VPS13C: variants seen among roughly 807,000 people sequenced by gnomAD.
VPS13C encodes vacuolar protein sorting 13 homolog C, also known as intermembrane lipid transfer protein VPS13C.
Under a neutral mutation model 456.8 loss-of-function variants are expected in VPS13C, and 358 were observed. That is an observed-to-expected ratio of 0.78 (90% CI 0.72 to 0.86). VPS13C has a LOEUF of 0.86. VPS13C is among the 40% of genes least tolerant of loss of function. The pLI is 0.00. For synonymous variants in VPS13C, 1,578 were observed against 1,486.7 expected, an observed-to-expected ratio of 1.06 and a Z score of -1.41; for missense variants, 4,818 against 4,385.4, an observed-to-expected ratio of 1.10 and a Z score of -2.79.
rs11071645 is a variant in VPS13C, at chr15:61,973,308, G to A, written c.2617+146C>T. ...GGGCTTAAAGGGGATAAGAGACTCA[G>A]AGTCACACTAATGTAGCACAACTAG... On this transcript the variant is annotated intron_variant, in intron 26 of 84. Coordinates refer to ENST00000644861, the MANE Select transcript of VPS13C (RefSeq NM_020821.3). 0.86 allele frequency: 507,014 copies of A among 589,754 alleles called. 221,287 individuals are homozygous for A. Among genetic ancestry groups the A allele is most frequent in the South Asian group, 0.91 (30,272 of 33,266 alleles). 36.5% of individuals were successfully genotyped at this position (589,754 alleles called of 1,614,324 possible). A position where few individuals can be genotyped will look rare whatever the true frequency, so the allele number is the denominator to read the frequency against.
intron 82 of VPS13C, among the ~76,000 whole-genome samples, chr15:61,859,442 T>C (rs144220239): frequency 7.2e-5 from 11 of 152,278 alleles, no homozygotes; most frequent in African/African-American, 2.4e-4. Flanking sequence ...CCTAAACCCT[T>C]AGAATCTTAT....
chr15:61,963,923 A>C lies in VPS13C; in HGVS notation c.3243T>G (p.Ile1081Met). 1 of 1,610,928 alleles carries C rather than the reference A, an allele frequency of 6.2e-7. No homozygotes were observed. The highest frequency in any genetic ancestry group is 1.3e-5 in the African/African-American group (1 of 74,888). The change falls in exon 32 of 85, where the codon ATT becomes ATG. Residue 1081 changes from isoleucine (I) to methionine (M), a missense_variant. Transcript: ENST00000644861. ...ACTTGGCAAATAGCCTGAAATCAAT[A>C]ATGTCACTATCTCTGGAGGATACAA... ...KAIVSSRDSD[I>M]IDFRLFAKLN...
chr15:62,044,088 C>G, intron 2 of VPS13C, 124 bp downstream of exon 2: 3 of 595,688 alleles, frequency 5.0e-6, no homozygotes, highest in South Asian at 2.4e-5. Flanking sequence ...AATAGTTGAA[C>G]AAGTAATCCC....
At chr15:61,969,266 A>G (rs745752800) in intron 28 of VPS13C, 33 bp downstream of exon 28, 1 of 1,474,392 alleles carries the variant, frequency 6.8e-7, no homozygotes, top group Non-Finnish European at 9.2e-7. Context: ...TATCTTTATT[A>G]TAGGCTATTA....
chr15:61,967,990 G>T lies in VPS13C; in HGVS notation c.2912-543C>A, dbSNP rs555436427. Among the ~76,000 whole-genome samples, 16 of 152,066 alleles carry T rather than the reference G, an allele frequency of 1.1e-4. No homozygotes were observed. In the East Asian group the frequency reaches 2.5e-3, roughly 24 times the overall value. Reference sequence around the variant, plus strand: ...ATTCTTTTAACTCTTGCTTCTGAGAGAGCTTAAAATTTTCCCTTGACTTCC... The same window carrying T: ...ATTCTTTTAACTCTTGCTTCTGAGATAGCTTAAAATTTTCCCTTGACTTCC... On this transcript the variant is annotated intron_variant, in intron 28 of 84. Coordinates refer to ENST00000644861, the MANE Select transcript of VPS13C (RefSeq NM_020821.3).
intron 8 of VPS13C, among the ~76,000 whole-genome samples, chr15:62,020,935 T>C (rs1457652338): frequency 1.3e-5 from 2 of 151,968 alleles, no homozygotes; most frequent in East Asian, 3.9e-4. Flanking sequence ...TTAGGGTACA[T>C]AGTGGAATAC....
At chr15:62,058,847 T>C (rs187035522) in intron 1 of VPS13C, among the ~76,000 whole-genome samples, 132 of 151,724 alleles carry the variant, frequency 8.7e-4, no homozygotes, top group African/African-American at 2.9e-3. Context: ...AGCCCAGGAG[T>C]TGGAGGCTGC....
In VPS13C at chr15:61,978,767, T is replaced by C. The variant is rs369306017; in HGVS notation, c.2167-18A>G. On this transcript the variant is annotated intron_variant, in intron 22 of 84. Transcript: ENST00000644861. ...CTGTTGAGCTAAAATGAAGGACAAA[T>C]TTCAATTTTTTTTTCCAAAACAGAA... is the stretch of plus-strand genomic sequence containing the variant. 1.7e-4 allele frequency: 273 copies of C among 1,568,464 alleles called. 1 individual carries two copies. The highest frequency in any genetic ancestry group is 2.3e-4 in the Non-Finnish European group (265 of 1,163,548).
intron 19 of VPS13C, 25 bp from the exon 20 acceptor site, chr15:61,984,037 A>C: frequency 6.3e-7 from 1 of 1,595,006 alleles, no homozygotes; most frequent in Non-Finnish European, 8.5e-7. Flanking sequence ...AGAACAAGGA[A>C]AGATGCAGAC....
intron 53 of VPS13C, among the ~76,000 whole-genome samples, chr15:61,924,905 C>T (rs953681459): frequency 5.3e-5 from 8 of 152,194 alleles, no homozygotes; most frequent in Non-Finnish European, 7.4e-5. Context: ...TGACTGGGCA[C>T]GAGGTATACT....
intron 6 of VPS13C, among the ~76,000 whole-genome samples, chr15:62,027,219 A>T (rs1248055698): frequency 6.6e-6 from 1 of 151,862 alleles, no homozygotes; most frequent in Non-Finnish European, 1.5e-5. Flanking sequence ...TCTGGACCTC[A>T]TTTTTTTATC....
chr15:62,020,961 A>T (rs2047440610), intron 8 of VPS13C, among the ~76,000 whole-genome samples: 1 of 152,038 alleles, frequency 6.6e-6, no homozygotes, highest in Non-Finnish European at 1.5e-5. Context: ...AGCCATAAAA[A>T]AGGAAAACAT....
At chr15:62,007,845 G>A (rs748452638) in intron 14 of VPS13C, among the ~76,000 whole-genome samples, 17 of 152,082 alleles carry the variant, frequency 1.1e-4, no homozygotes, top group Admixed American at 2.0e-4. Context: ...GGGTGCTCAC[G>A]TCTGTAATCC....
rs562986431 is a variant in VPS13C at position 62,029,048 on chromosome 15, C to A, written c.386-628G>T. On this transcript the variant is annotated intron_variant, in intron 5 of 84. Transcript: ENST00000644861. ...AGAAAAAGGAAAACTTACACCCCCG[C>A]TGGCTATGGATGAAAGTTCACATTG... Among the ~76,000 whole-genome samples, 21 of 152,162 alleles carry A rather than the reference C, an allele frequency of 1.4e-4. No individual in the cohort carries two copies. The South Asian group carries it at 4.3e-3, about 32-fold the overall frequency.
At position 61,931,172 on chromosome 15, in the gene VPS13C, C is replaced by G; in HGVS notation, c.5956G>C (p.Asp1986His). 1 of 1,614,154 alleles carries G rather than the reference C, an allele frequency of 6.2e-7. No individual in the cohort carries two copies. The highest frequency in any genetic ancestry group is 8.5e-7 in the Non-Finnish European group (1 of 1,180,028). ...TTAACGCTGACATTCATTGAGCCAT[C>G]CTTAAACATCTTCCCTGAGGAGGCC... is the stretch of plus-strand genomic sequence containing the variant. ...LMASSGKMFK[D>H]GSMNVSVKLK... Residue 1986 changes from aspartate (D) to histidine (H), a missense_variant, in exon 50 of 85, where the codon GAT (aspartate) becomes CAT (histidine). Around this residue, in one of 3 missense-constraint regions of VPS13C, gnomAD observed 4,552 missense variants for 4,130.6 expected, o/e 1.10. Coordinates refer to ENST00000644861, the MANE Select transcript of VPS13C (RefSeq NM_020821.3).
intron 68 of VPS13C, among the ~76,000 whole-genome samples, chr15:61,883,754 T>C (rs191079965): frequency 1.3e-3 from 205 of 152,202 alleles, no homozygotes; most frequent in Admixed American, 2.4e-3. Flanking sequence ...TAGCAATATA[T>C]ATTGGTGTCA....
intron 29 of VPS13C, among the ~76,000 whole-genome samples, chr15:61,966,802 T>A (rs1023785644): frequency 6.6e-6 from 1 of 151,958 alleles, no homozygotes; most frequent in African/African-American, 2.4e-5. Flanking sequence ...CGTCTACAAT[T>A]TTCTTGAGAA....
chr15:61,892,561 A>G (rs905589299), intron 66 of VPS13C, among the ~76,000 whole-genome samples: 6 of 152,196 alleles, frequency 3.9e-5, no homozygotes, highest in African/African-American at 1.4e-4. Context: ...TGGAATAAAT[A>G]AATAATCCTT....
At chr15:61,885,782 G>A (rs1896218983) in intron 67 of VPS13C, among the ~76,000 whole-genome samples, 1 of 151,946 alleles carries the variant, frequency 6.6e-6, no homozygotes, top group South Asian at 2.1e-4. Context: ...CTATCTTCAG[G>A]TTGTACTGAA....
Sources: allele counts gnomAD v4.1 joint callset (sites outside exome capture counted in the v4.1 genomes callset), GRCh38; gene constraint gnomAD v4.1.1; regional missense constraint gnomAD v4.1.1; transcripts MANE v1.5; gene names NCBI Gene and HGNC (gene_info 2026-07-23, HGNC 2026-07-21).